Variants in HDAC4 observed in about 807,000 individuals in gnomAD.
HDAC4 encodes the protein histone deacetylase 4, also known as histone deacetylase A.
HDAC4 carries 16 observed loss-of-function variants against 135.1 expected under a neutral mutation model. The ratio of observed to expected loss-of-function variants is 0.12; its 90% confidence interval spans 0.08 to 0.18. HDAC4 has a LOEUF of 0.18. HDAC4 is among the 10% of genes least tolerant of loss of function. The pLI is 1.00. For synonymous variants in HDAC4, 685 were observed against 653.4 expected (o/e 1.05, Z -0.74); for missense variants, 1,143 against 1,511.8 (o/e 0.76, Z 4.05).
chr2:239,152,782 G>C (rs563624370), intron 7 of HDAC4, among the ~76,000 whole-genome samples: 3 of 152,284 alleles, frequency 2.0e-5, no homozygotes, highest in South Asian at 4.1e-4. Context: ...CAAGGAGGTG[G>C]GGGGATGCTG....
intron 1 of HDAC4, among the ~76,000 whole-genome samples, chr2:239,358,007 T>C (rs1046238253): frequency 3.3e-5 from 5 of 151,350 alleles, no homozygotes; most frequent in South Asian, 2.1e-4. Context: ...TTTGACAACT[T>C]AGATGAAATA....
chr2:239,386,561 G>T lies in HDAC4; in HGVS notation c.-220+14417C>A, dbSNP rs376137651. On this transcript the variant is annotated intron_variant, in intron 1 of 26. Coordinates refer to ENST00000543185, the MANE Select transcript of HDAC4 (RefSeq NM_001378414.1). ...GGGTAAGGCGTCCATGCAGAGGCAT[G>T]CTTGGAGCACCACTGTGTGTTCCAG... is the stretch of plus-strand genomic sequence containing the variant. Among the ~76,000 whole-genome samples, 18 of 152,314 alleles carry T rather than the reference G, an allele frequency of 1.2e-4. No homozygotes were observed. In the East Asian group the frequency reaches 2.3e-3, roughly 20 times the overall value.
chr2:239,151,223 A>G (rs1159068565), intron 7 of HDAC4, among the ~76,000 whole-genome samples: 1 of 152,260 alleles, frequency 6.6e-6, no homozygotes. Flanking sequence ...GAAAGCCATG[A>G]GCCTATTGAT....
At position 239,176,530 on chromosome 2, in the gene HDAC4, G is replaced by C. The variant is rs757953366; in HGVS notation, c.373C>G (p.Gln125Glu). ...TTCCGCTGGTGTTCCAGCAGCTCCTGCTGGTGCTTCATGGCCAGCATCTCC... is the reference window on the plus strand; with the variant it reads ...TTCCGCTGGTGTTCCAGCAGCTCCTCCTGGTGCTTCATGGCCAGCATCTCC... ...QQEMLAMKHQ[Q>E]ELLEHQRKLE... is the part of the protein sequence containing the mutation. The change falls in exon 5 of 27, where the codon CAG (glutamine) becomes GAG (glutamate). Residue 125 changes from glutamine to glutamate, a missense_variant. Around this residue, in one of 9 missense-constraint regions of HDAC4, gnomAD observed 247 missense variants for 310.0 expected, o/e 0.80. Coordinates refer to ENST00000543185, the MANE Select transcript of HDAC4 (RefSeq NM_001378414.1). The C allele has an allele frequency of 1.9e-6, 3 of 1,613,382 alleles. No individual in the cohort carries two copies. Among genetic ancestry groups the C allele is most frequent in the Non-Finnish European group, 2.5e-6 (3 of 1,179,882 alleles).
intron 2 of HDAC4, among the ~76,000 whole-genome samples, chr2:239,274,566 C>T (rs930074452): frequency 1.3e-5 from 2 of 152,240 alleles, no homozygotes; most frequent in Non-Finnish European, 2.9e-5. Flanking sequence ...AACAACAATA[C>T]AAGTAACCTT....
rs769798239 is a variant in HDAC4, at chr2:239,134,632, C to T, written c.990G>A (p.Ala330=). The T allele has an allele frequency of 3.2e-5, 52 of 1,613,376 alleles. No homozygotes were observed. Among genetic ancestry groups the T allele is most frequent in the Admixed American group, 1.3e-4 (8 of 60,010 alleles). Residue 330 remains alanine (A), a synonymous_variant, in exon 10 of 27, where the codon GCG becomes GCA. Coordinates refer to ENST00000543185, the MANE Select transcript of HDAC4 (RefSeq NM_001378414.1). ...AGCCTTCTCGTGCCACAAGTCTGTG[C>T]GCCAAACTCGTCTGGGGACAGAACA... ...VPSIPAETSL[A]HRLVAREGSA...
At chr2:239,393,159 A>G (rs974884152) in intron 1 of HDAC4, among the ~76,000 whole-genome samples, 3 of 152,142 alleles carry the variant, frequency 2.0e-5, no homozygotes, top group Non-Finnish European at 4.4e-5. Context: ...TTGTTTTGGA[A>G]GCTGCCCTTG....
rs1374569399 is a variant in HDAC4 at position 239,068,016 on chromosome 2, C to T, written c.2869+473G>A. Among the ~76,000 whole-genome samples, 1 of 152,216 alleles carries T rather than the reference C, an allele frequency of 6.6e-6. No individual in the cohort carries two copies. Among genetic ancestry groups the T allele is most frequent in the Non-Finnish European group, 1.5e-5 (1 of 68,028 alleles). On this transcript the variant is annotated intron_variant, in intron 23 of 26. Coordinates refer to ENST00000543185, the MANE Select transcript of HDAC4 (RefSeq NM_001378414.1). The surrounding 1 kb of genome is among the most constrained non-coding windows in gnomAD (Gnocchi z 4.4). ...CTGCTGGGCAGTCCCTCCTCCCATC[C>T]TGACAGCATGGCCCCTAACGCTGAT...
At chr2:239,136,697 C>G (rs979929255) in intron 9 of HDAC4, among the ~76,000 whole-genome samples, 4 of 152,192 alleles carry the variant, frequency 2.6e-5, no homozygotes, top group African/African-American at 9.7e-5. Flanking sequence ...CCAGCAAAAC[C>G]TGAAGCAGCC....
Position 239,104,476 on chromosome 2 carries a change from C to T in HDAC4, c.2113-1580G>A, listed in dbSNP as rs151005920. 8.7e-3 allele frequency among the ~76,000 whole-genome samples: 1,330 copies of T among 152,270 alleles called. 15 individuals carry two copies. The highest frequency in any genetic ancestry group is 0.016 in the African/African-American group (648 of 41,542). ...AACTCCTGACCTCATGTGATCCACC[C>T]GCCACGGCCTCCCAAAGTGCTGGTA... On this transcript the variant is annotated intron_variant, in intron 15 of 26. Coordinates refer to ENST00000543185, the MANE Select transcript of HDAC4 (RefSeq NM_001378414.1).
chr2:239,336,161 C>T (rs141895638), intron 2 of HDAC4, among the ~76,000 whole-genome samples: 28 of 152,192 alleles, frequency 1.8e-4, no homozygotes, highest in Admixed American at 3.9e-4. Context: ...ACGTTCAAAA[C>T]CAGGAGAAAC....
chr2:239,265,715 G>A (rs1418958535), intron 2 of HDAC4, among the ~76,000 whole-genome samples: 2 of 152,240 alleles, frequency 1.3e-5, no homozygotes, highest in African/African-American at 4.8e-5. Flanking sequence ...CTGGGTGCAG[G>A]CTCAAGGTCA....
chr2:239,241,188 C>A lies in HDAC4; in HGVS notation c.23-4524G>T, dbSNP rs1017085969. Among the ~76,000 whole-genome samples the A allele has an allele frequency of 3.4e-4, 51 of 152,190 alleles. 1 individual carries two copies. Among genetic ancestry groups the A allele is most frequent in the African/African-American group, 9.6e-4 (40 of 41,546 alleles). ...CAAGGGTTTCACATCACAATACCGACACACAAGAAAGGAGGTTTCTTGAGC... is the reference window on the plus strand; with the variant it reads ...CAAGGGTTTCACATCACAATACCGAAACACAAGAAAGGAGGTTTCTTGAGC... On this transcript the variant is annotated intron_variant, in intron 2 of 26. Transcript: ENST00000543185.
chr2:239,152,326 A>G (rs1373176784), intron 7 of HDAC4, among the ~76,000 whole-genome samples: 1 of 152,226 alleles, frequency 6.6e-6, no homozygotes, highest in Non-Finnish European at 1.5e-5. Flanking sequence ...TTCTGACTAT[A>G]TTTAAAAATA....
intron 7 of HDAC4, among the ~76,000 whole-genome samples, chr2:239,154,194 G>A (rs927679052): frequency 6.6e-6 from 1 of 152,048 alleles, no homozygotes; most frequent in Non-Finnish European, 1.5e-5. Context: ...GCTCCAAATG[G>A]GGAGTTTCTG....
intron 16 of HDAC4, among the ~76,000 whole-genome samples, chr2:239,098,753 T>C (rs2037348958): frequency 6.6e-6 from 1 of 152,256 alleles, no homozygotes; most frequent in African/African-American, 2.4e-5. Flanking sequence ...ATTAGGGTTA[T>C]GTTCACAAAA....
At position 239,052,748 on chromosome 2, in the gene HDAC4, T is replaced by C; in HGVS notation, c.*349A>G. 2.7e-6 allele frequency: 1 copy of C among 371,852 alleles called. No individual in the cohort carries two copies. The highest frequency in any genetic ancestry group is 3.6e-5 in the South Asian group (1 of 27,916). 23.0% of individuals were successfully genotyped at this position (371,852 alleles called of 1,614,324 possible). On this transcript the variant is annotated 3_prime_UTR_variant, in exon 27 of 27. Coordinates refer to ENST00000543185, the MANE Select transcript of HDAC4 (RefSeq NM_001378414.1). ...TGATATTTGTTTTCTGTGCCTCGTG[T>C]CAACTGAATTCGGCAGCTCGGCCGC...
chr2:239,372,944 T>C lies in HDAC4; in HGVS notation c.-219-20026A>G, dbSNP rs534646041. Among the ~76,000 whole-genome samples, 5 of 152,288 alleles carry C rather than the reference T, an allele frequency of 3.3e-5. No homozygotes were observed. In the East Asian group the frequency reaches 7.7e-4, roughly 23 times the overall value. On this transcript the variant is annotated intron_variant, in intron 1 of 26. Coordinates refer to ENST00000543185, the MANE Select transcript of HDAC4 (RefSeq NM_001378414.1). Reference sequence around the variant, plus strand: ...TCCGTTTCTCATTCAATACCATGTCTCGGGGGAGTCCGTCACGTGGCTGTG... The same window carrying C: ...TCCGTTTCTCATTCAATACCATGTCCCGGGGGAGTCCGTCACGTGGCTGTG...
At chr2:239,242,749 T>C (rs956304041) in intron 2 of HDAC4, among the ~76,000 whole-genome samples, 3 of 152,226 alleles carry the variant, frequency 2.0e-5, no homozygotes, top group Admixed American at 2.0e-4. Flanking sequence ...TACTGGAAAG[T>C]GTATTGCTTG....
Sources: allele counts gnomAD v4.1 joint callset (sites outside exome capture counted in the v4.1 genomes callset), GRCh38; gene constraint gnomAD v4.1.1; regional missense constraint gnomAD v4.1.1; non-coding constraint Gnocchi (gnomAD v3.1); transcripts MANE v1.5; gene names NCBI Gene and HGNC (gene_info 2026-07-23, HGNC 2026-07-21).